HMCN2: variants seen among roughly 807,000 people sequenced by gnomAD.
HMCN2 encodes the protein hemicentin-2.
Under a neutral mutation model 377.5 loss-of-function variants are expected in HMCN2, and 325 were observed. The observed-to-expected ratio is 0.86, with a 90% CI of 0.79 to 0.94. HMCN2 has a LOEUF of 0.94. Among genes scored for constraint, HMCN2 ranks in the 40% least tolerant of loss-of-function variants. HMCN2 has a pLI of 0.00. For missense variants in HMCN2, 4,543 were observed against 4,725.3 expected (o/e 0.96, Z 1.13); for synonymous variants, 2,007 against 2,046.8 (o/e 0.98, Z 0.53).
Position 130,427,560 on chromosome 9 carries a change from G to C in HMCN2, c.14006G>C (p.Arg4669Pro). The C allele has an allele frequency of 2.6e-6, 4 of 1,550,492 alleles. No homozygotes were observed. The highest frequency in any genetic ancestry group is 3.5e-6 in the Non-Finnish European group (4 of 1,146,970). Residue 4669 changes from arginine (R) to proline (P), a missense_variant, in exon 92 of 98, where the codon CGC becomes CCC. By Grantham distance (103) the Arg-to-Pro change is moderately radical (BLOSUM62 -2). This residue lies in a region of HMCN2 where 1,155 missense variants were observed against 1,157.7 expected (regional missense o/e 1.00). Transcript: ENST00000683500. ...CATGCCTGCCTTAATGCACCCGGCC[G>C]CTTCTCCTGCACCTGCCCCACTGGC... is the stretch of plus-strand genomic sequence containing the variant. The part of the protein sequence containing the change: ...CSHACLNAPG[R>P]FSCTCPTGFA...
At chr9:130,350,402 A>AAG (rs1554950816) in intron 29 of HMCN2, among the ~76,000 whole-genome samples, 1 of 148,974 alleles carries the variant, frequency 6.7e-6, no homozygotes, top group Non-Finnish European at 1.5e-5. Flanking sequence ...AAAAAAAAAA[A>AAG]AAGAAATAGC....
At chr9:130,376,204 C>T (rs928387090) in intron 51 of HMCN2, among the ~76,000 whole-genome samples, 1 of 152,294 alleles carries the variant, frequency 6.6e-6, no homozygotes, top group African/African-American at 2.4e-5. Flanking sequence ...AGACCCACTG[C>T]AGTCCTAGCT....
chr9:130,336,963 C>G (rs1464815363), intron 22 of HMCN2, among the ~76,000 whole-genome samples: 1 of 152,122 alleles, frequency 6.6e-6, no homozygotes, highest in South Asian at 2.1e-4. Flanking sequence ...GGCCAGGCAT[C>G]CCGGGCCTGC....
chr9:130,413,301 C>A (rs568223647), intron 85 of HMCN2, among the ~76,000 whole-genome samples: 24 of 152,280 alleles, frequency 1.6e-4, no homozygotes, highest in African/African-American at 5.5e-4. Context: ...GTTGAAGCAG[C>A]GAGAGCAGCC....
chr9:130,412,669 A>C, intron 85 of HMCN2, among the ~76,000 whole-genome samples: 1 of 149,920 alleles, frequency 6.7e-6, no homozygotes. Flanking sequence ...TTCCACCTCC[A>C]AGGTTCAAGC....
chr9:130,376,049 G>A, intron 51 of HMCN2, 60 bp downstream of exon 51: 1 of 750,268 alleles, frequency 1.3e-6, no homozygotes, highest in Non-Finnish European at 1.6e-6. Flanking sequence ...GAACCTAGGG[G>A]CCCAGGCACC....
At position 130,422,384 on chromosome 9, in the gene HMCN2, T is replaced by C. The variant is rs911299455; in HGVS notation, c.13232-193T>C. On this transcript the variant is annotated intron_variant, in intron 86 of 97. Transcript: ENST00000683500. This position sits in a 1 kb window ranked among gnomAD's most constrained non-coding sequence, Gnocchi z 4.2. ...GAGCCCAGGGTTCCTCCTAACAGCC[T>C]CCCTTCCCTTTTAGAGCCAAGATCC... is the stretch of plus-strand genomic sequence containing the variant. Among the ~76,000 whole-genome samples the C allele has an allele frequency of 6.6e-6, 1 of 152,174 alleles. No individual in the cohort carries two copies. Among genetic ancestry groups the C allele is most frequent in the Admixed American group, 6.5e-5 (1 of 15,284 alleles).
At chr9:130,334,027 G>C (rs1368695409) in intron 22 of HMCN2, among the ~76,000 whole-genome samples, 1 of 152,144 alleles carries the variant, frequency 6.6e-6, no homozygotes, top group African/African-American at 2.4e-5. Context: ...CTACAGGATG[G>C]ACCTACCAGC....
chr9:130,349,298 GGACA>G (rs1180261624), intron 28 of HMCN2, among the ~76,000 whole-genome samples, 167 bp downstream of exon 28: 1 of 152,196 alleles, frequency 6.6e-6, no homozygotes, highest in East Asian at 1.9e-4. Context: ...CAGGCTTGGG[GGACA>G]GACATCAGAC....
At chr9:130,364,918 G>A (rs1045727594) in intron 41 of HMCN2, 29 bp downstream of exon 41, 1 of 985,246 alleles carries the variant, frequency 1.0e-6, no homozygotes, top group Non-Finnish European at 1.2e-6. Context: ...AGCCAAGCAG[G>A]CCTCCACCTC....
chr9:130,355,417 C>G (rs939377910), intron 32 of HMCN2, among the ~76,000 whole-genome samples: 1 of 152,224 alleles, frequency 6.6e-6, no homozygotes, highest in Non-Finnish European at 1.5e-5. Flanking sequence ...CTCTTCCATC[C>G]ATTGCTGAAG....
chr9:130,392,927 C>T (rs371373851), intron 66 of HMCN2, among the ~76,000 whole-genome samples: 43 of 151,698 alleles, frequency 2.8e-4, no homozygotes, highest in Non-Finnish European at 5.2e-4. Context: ...ACCCGGGAGG[C>T]GGAGCTTGCA....
chr9:130,409,387 C>A lies in HMCN2; in HGVS notation c.12879+454C>A, dbSNP rs540587685. ...CCCCCAGGTCTCCTGCCTCAGGCCCCGTGCTGTTTCCAAAGCCTTGGGCCC... is the reference window on the plus strand; with the variant it reads ...CCCCCAGGTCTCCTGCCTCAGGCCCAGTGCTGTTTCCAAAGCCTTGGGCCC... On this transcript the variant is annotated intron_variant, in intron 84 of 97. Transcript: ENST00000683500. Among the ~76,000 whole-genome samples, 7 of 152,296 alleles carry A rather than the reference C, an allele frequency of 4.6e-5. 1 individual carries two copies. Among genetic ancestry groups the A allele is most frequent in the Admixed American group, 4.6e-4 (7 of 15,310 alleles).
intron 90 of HMCN2, 82 bp downstream of exon 90, chr9:130,426,006 A>C: frequency 9.9e-7 from 1 of 1,008,750 alleles, no homozygotes; most frequent in Admixed American, 2.2e-5. Context: ...GCTGGAATCC[A>C]CCCCTGCCCC....
chr9:130,280,249 G>A (rs10819631), intron 1 of HMCN2, among the ~76,000 whole-genome samples: 1 of 146,708 alleles, frequency 6.8e-6, no homozygotes, highest in Non-Finnish European at 1.5e-5. Context: ...TGCAAGCTCC[G>A]CCTCCCGGGT....
chr9:130,282,335 CGTT>C (rs1213669159), intron 1 of HMCN2, among the ~76,000 whole-genome samples: 1 of 152,162 alleles, frequency 6.6e-6, no homozygotes, highest in East Asian at 1.9e-4. Context: ...GGAGAAATGG[CGTT>C]GTTACATGTC....
rs1434991978 is a variant in HMCN2, at chr9:130,365,995, G to A, written c.6625G>A (p.Gly2209Ser). ...PFPKISWRKD[G>S]QPLPGEGAGL... ...CCCCAAGATCTCCTGGAGGAAGGAC[G>A]GTAGGATTGCTGCCCTCACCCAGCC... Residue 2209 changes from glycine to serine, a missense_variant and splice_region_variant, in exon 43 of 98, where the codon GGT becomes AGT. By Grantham distance (56) the Gly-to-Ser change is moderately conservative. Coordinates refer to ENST00000683500, the MANE Select transcript of HMCN2 (RefSeq NM_001291815.2). 11 of 985,898 alleles carry A rather than the reference G, an allele frequency of 1.1e-5. No individual in the cohort carries two copies. The highest frequency in any genetic ancestry group is 5.2e-4 in the Middle Eastern group (1 of 1,936). 61.1% of individuals were successfully genotyped at this position (985,898 alleles called of 1,614,324 possible).
At chr9:130,375,255 T>C (rs1441921805) in intron 49 of HMCN2, among the ~76,000 whole-genome samples, 1 of 152,094 alleles carries the variant, frequency 6.6e-6, no homozygotes, top group African/African-American at 2.4e-5. Flanking sequence ...TCAAACAGAA[T>C]TGAGAAGCCT....
chr9:130,328,485 A>G (rs1417934097), intron 22 of HMCN2, among the ~76,000 whole-genome samples: 1 of 152,216 alleles, frequency 6.6e-6, no homozygotes, highest in Non-Finnish European at 1.5e-5. Flanking sequence ...GTGCGTTAAT[A>G]GGTCAGCTGG....
Sources: gnomAD v4.1 joint callset for allele counts (sites outside exome capture counted in the v4.1 genomes callset) on GRCh38, gnomAD v4.1.1 for gene constraint, gnomAD v4.1.1 regional missense constraint, Gnocchi (gnomAD v3.1) non-coding constraint, MANE v1.5 for transcripts, NCBI Gene and HGNC (gene_info 2026-07-23, HGNC 2026-07-21) for gene names.